Variants in LNX1 observed in about 807,000 individuals in gnomAD.
LNX1 encodes ligand of numb-protein X 1.
A neutral mutation model predicts 68.4 loss-of-function variants in LNX1; 54 were observed. The observed-to-expected ratio is 0.79, with a 90% CI of 0.63 to 0.99. The LOEUF (loss-of-function observed/expected upper bound fraction) is 0.99, where lower values mean the gene tolerates loss of function less well. LNX1 is among the 50% of genes least tolerant of loss of function. The pLI, the probability that LNX1 is intolerant of heterozygous loss-of-function variation, is 0.00. For missense variants in LNX1, 906 were observed against 926.4 expected (o/e 0.98, Z 0.29); for synonymous variants, 336 against 350.0 (o/e 0.96, Z 0.45).
chr4:53,618,916 A>G (rs2590817), upstream of LNX1, among the ~76,000 whole-genome samples: 63,508 of 151,780 alleles, frequency 0.42, 13,293 homozygotes, highest in Admixed American at 0.45. Flanking sequence ...TTATATGTAT[A>G]CATATTTTTT....
chr4:53,497,902 G>A (rs778012011), intron 5 of LNX1, among the ~76,000 whole-genome samples: 47 of 152,238 alleles, frequency 3.1e-4, no homozygotes, highest in Non-Finnish European at 4.0e-4. Context: ...TAGAAGGGAT[G>A]GGATAGAACT....
intron 1 of LNX1, among the ~76,000 whole-genome samples, chr4:53,645,786 A>C (rs548019512): frequency 6.6e-6 from 1 of 152,328 alleles, no homozygotes; most frequent in South Asian, 2.1e-4. Context: ...GCATGTTGGC[A>C]TCTGTAGAAC....
chr4:53,640,699 A>G (rs773710678), intron 1 of LNX1, among the ~76,000 whole-genome samples: 2 of 152,232 alleles, frequency 1.3e-5, no homozygotes, highest in African/African-American at 4.8e-5. Flanking sequence ...CTGTGTTGTT[A>G]TAGAAATACT....
At chr4:53,562,473 C>A (rs1730356144) in intron 2 of LNX1, among the ~76,000 whole-genome samples, 1 of 152,222 alleles carries the variant, frequency 6.6e-6, no homozygotes, top group Non-Finnish European at 1.5e-5. Context: ...AGTCTGAAGA[C>A]AATCAATGAT....
At chr4:53,647,362 T>C (rs1003158527) in intron 1 of LNX1, among the ~76,000 whole-genome samples, 5 of 152,196 alleles carry the variant, frequency 3.3e-5, no homozygotes, top group Non-Finnish European at 1.5e-5. Context: ...ATCTTATTTG[T>C]TTTAGGAAGC....
At chr4:53,462,904 C>T (rs1347898475) in intron 9 of LNX1, among the ~76,000 whole-genome samples, 1 of 152,122 alleles carries the variant, frequency 6.6e-6, no homozygotes, top group African/African-American at 2.4e-5. Flanking sequence ...TGGTGTGTCA[C>T]ATAACACACT....
chr4:53,630,777 T>C (rs1460338439), intron 1 of LNX1, among the ~76,000 whole-genome samples: 2 of 152,248 alleles, frequency 1.3e-5, no homozygotes, highest in African/African-American at 2.4e-5. Flanking sequence ...CAGAGGATCA[T>C]AGGAAGCTAA....
intron 1 of LNX1, chr4:53,576,326 C>G: frequency 6.2e-6 from 10 of 1,611,884 alleles, no homozygotes; most frequent in East Asian, 4.5e-5. Context: ...TACAGCGTGG[C>G]CCTGGTCCTA....
chr4:53,508,961 C>G (rs1472484898), intron 2 of LNX1, among the ~76,000 whole-genome samples: 1 of 152,094 alleles, frequency 6.6e-6, no homozygotes. Flanking sequence ...CCAGAAAACT[C>G]CACAAAAACC....
intron 2 of LNX1, among the ~76,000 whole-genome samples, chr4:53,597,159 A>G (rs1009137132): frequency 8.6e-5 from 13 of 151,986 alleles, no homozygotes; most frequent in Admixed American, 6.6e-4. Flanking sequence ...GAGTGCCTCT[A>G]CCTATGTATG....
rs116822991 is a variant in LNX1, at chr4:53,626,155, T to A, written c.-215+26013A>T. Among the ~76,000 whole-genome samples, 870 of 152,274 alleles carry A rather than the reference T, an allele frequency of 5.7e-3. 3 individuals are homozygous for A. The highest frequency in any genetic ancestry group is 9.5e-3 in the Non-Finnish European group (647 of 68,024). ...CTGACACAAAAGGCCACATGTCACA[T>A]GATTCCATTTAAAAGAAATGTCCAG... On this transcript the variant is annotated intron_variant, in intron 1 of 2. Transcript: ENST00000507168.
At chr4:53,475,562 C>T (rs1723509880) in intron 9 of LNX1, among the ~76,000 whole-genome samples, 1 of 152,190 alleles carries the variant, frequency 6.6e-6, no homozygotes, top group South Asian at 2.1e-4. Flanking sequence ...GAAAAACGTA[C>T]TAAAACTAAA....
intron 2 of LNX1, among the ~76,000 whole-genome samples, chr4:53,534,289 G>A (rs1437910632): frequency 1.3e-5 from 2 of 152,134 alleles, no homozygotes; most frequent in African/African-American, 2.4e-5. Context: ...AAGGGCATAT[G>A]TTTCTGGGTA....
intron 1 of LNX1, 97 bp downstream of exon 1, chr4:53,591,291 G>A (rs1732491150): frequency 1.3e-6 from 1 of 748,116 alleles, no homozygotes; most frequent in Non-Finnish European, 1.6e-6. Flanking sequence ...GCGACAAGCC[G>A]TTCAGCTTGT....
At chr4:53,620,949 A>T (rs1733848005), upstream of LNX1, among the ~76,000 whole-genome samples, 1 of 152,160 alleles carries the variant, frequency 6.6e-6, no homozygotes, top group Non-Finnish European at 1.5e-5. Context: ...GTTTAAAGAA[A>T]TTCAATTATA....
chr4:53,568,727 T>G (rs1416293850), intron 2 of LNX1, among the ~76,000 whole-genome samples: 1 of 152,004 alleles, frequency 6.6e-6, no homozygotes, highest in Non-Finnish European at 1.5e-5. Flanking sequence ...AAATTGTCCC[T>G]GTTTGCAGAT....
At chr4:53,577,414 C>A (rs886613102) in intron 1 of LNX1, among the ~76,000 whole-genome samples, 1 of 152,102 alleles carries the variant, frequency 6.6e-6, no homozygotes, top group African/African-American at 2.4e-5. Context: ...AATACAACTG[C>A]ATGTTTCTGG....
intron 1 of LNX1, among the ~76,000 whole-genome samples, chr4:53,647,920 A>G (rs1418922919): frequency 6.6e-6 from 1 of 152,254 alleles, no homozygotes; most frequent in Non-Finnish European, 1.5e-5. Context: ...AGTTTCAACC[A>G]TGATGTGGCA....
chr4:53,470,618 A>G (rs1277252248), intron 9 of LNX1, among the ~76,000 whole-genome samples: 3 of 152,240 alleles, frequency 2.0e-5, no homozygotes, highest in Admixed American at 6.5e-5. Flanking sequence ...AATCTCCTTA[A>G]GCTGATAAGC....
Sources: allele counts gnomAD v4.1 joint callset (sites outside exome capture counted in the v4.1 genomes callset), GRCh38; gene constraint gnomAD v4.1.1; transcripts MANE v1.5; gene names NCBI Gene and HGNC (gene_info 2026-07-23, HGNC 2026-07-21).